The following C11orf65 variants were observed in gnomAD, a reference collection of about 807,000 sequenced individuals.
C11orf65 encodes protein MFI.
In C11orf65, 38 loss-of-function variants were observed where a neutral mutation model predicts 35.3. The ratio of observed to expected loss-of-function variants is 1.08; its 90% CI spans 0.83 to 1.41. The LOEUF (loss-of-function observed/expected upper bound fraction) is 1.41, where lower values mean the gene tolerates loss of function less well. Among genes scored for constraint, C11orf65 ranks in the 40% most tolerant of loss-of-function variants. The probability of loss-of-function intolerance (pLI) is 0.00; values close to 1 mark genes in which losing one functional copy is unlikely to be tolerated. For synonymous variants in C11orf65, 105 were observed against 114.4 expected, an observed-to-expected ratio of 0.92 and a Z score of 0.53; for missense variants, 370 against 367.1, an observed-to-expected ratio of 1.01 and a Z score of -0.06.
chr11:108,445,022 G>C (rs1230582199), intron 2 of C11orf65, among the ~76,000 whole-genome samples: 2 of 152,224 alleles, frequency 1.3e-5, no homozygotes, highest in Non-Finnish European at 1.5e-5. Context: ...ACAGCAGTCT[G>C]AGATCAAACT....
chr11:108,347,450 A>G, intron 2 of C11orf65: 1 of 1,127,928 alleles, frequency 8.9e-7, no homozygotes, highest in South Asian at 1.3e-5. Flanking sequence ...GATATTACAA[A>G]TATAAGAGAC....
intron 6 of C11orf65, among the ~76,000 whole-genome samples, chr11:108,395,940 A>G (rs2092300193): frequency 1.3e-5 from 2 of 152,090 alleles, no homozygotes; most frequent in South Asian, 4.2e-4. Context: ...TAAAATAATA[A>G]TAATAAAAAA....
rs557777578 is a variant in C11orf65, at chr11:108,342,710, T to C, written c.227-7418A>G. On this transcript the variant is annotated intron_variant, in intron 2 of 3. Transcript: ENST00000524755. ...ATAATATAATTTTAAAAAACTTTCCTAGTAAAGTTGCTTATTTTATATTTA... is the reference window on the plus strand; with the variant it reads ...ATAATATAATTTTAAAAAACTTTCCCAGTAAAGTTGCTTATTTTATATTTA... Among the ~76,000 whole-genome samples, 58 of 152,344 alleles carry C rather than the reference T, an allele frequency of 3.8e-4. No homozygotes were observed. In the East Asian group the frequency reaches 9.8e-3, roughly 26 times the overall value.
intron 2 of C11orf65, among the ~76,000 whole-genome samples, chr11:108,372,868 GGATTTTGA>G (rs1200304191): frequency 6.6e-6 from 1 of 152,046 alleles, no homozygotes; most frequent in East Asian, 1.9e-4. Context: ...TTTTAAGTCA[GGATTTTGA>G]GACCCTGGCC....
At position 108,406,840 on chromosome 11, in the gene C11orf65, C is replaced by A. The variant is rs1264256053; in HGVS notation, c.352G>T (p.Asp118Tyr). 1 of 1,613,262 alleles carries A rather than the reference C, an allele frequency of 6.2e-7. No homozygotes were observed. The highest frequency in any genetic ancestry group is 8.5e-7 in the Non-Finnish European group (1 of 1,179,574). Residue 118 changes from aspartate (D) to tyrosine (Y), a missense_variant, in exon 5 of 9, where the codon GAT (aspartate) becomes TAT (tyrosine). By Grantham distance (160) the Asp-to-Tyr change is radical (BLOSUM62 -3). Transcript: ENST00000393084. ...CTATGATCCTCTTCCTGAAGATGAT[C>A]ATTTTTATTATGAGATGTATGCTTT... ...PAKHTSHNKNDHLQEEDHSGW... is the reference protein window; with the variant it reads ...PAKHTSHNKNYHLQEEDHSGW...
intron 2 of C11orf65, among the ~76,000 whole-genome samples, chr11:108,452,774 GATTAAGA>G (rs1262365575): frequency 2.0e-5 from 3 of 152,036 alleles, no homozygotes; most frequent in African/African-American, 7.2e-5. Flanking sequence ...TGATAGACTG[GATTAAGA>G]AAATGTGGCA....
At chr11:108,468,740 A>T (rs1462565235), upstream of C11orf65, among the ~76,000 whole-genome samples, 2 of 152,198 alleles carry the variant, frequency 1.3e-5, no homozygotes, top group East Asian at 1.9e-4. Flanking sequence ...TGAACAATAA[A>T]CTGTAAAAAT....
chr11:108,452,958 C>T (rs896507597), intron 2 of C11orf65, among the ~76,000 whole-genome samples: 1 of 130,164 alleles, frequency 7.7e-6, no homozygotes, highest in African/African-American at 3.0e-5. Flanking sequence ...AATGAGAACA[C>T]TTGGACACAG....
At chr11:108,331,714 C>G (rs1024215670) in intron 3 of C11orf65, 1 of 1,317,530 alleles carries the variant, frequency 7.6e-7, no homozygotes, top group South Asian at 1.5e-5. Context: ...TTTTCTCTCT[C>G]TAATTCCTCA....
chr11:108,329,039 A>C, downstream of C11orf65: 1 of 1,614,098 alleles, frequency 6.2e-7, no homozygotes, highest in Non-Finnish European at 8.5e-7. Context: ...AGTTGCTGGA[A>C]ATTATGATGG....
chr11:108,441,341 G>T lies in C11orf65; in HGVS notation c.82-9503C>A, dbSNP rs532057697. 3.3e-5 allele frequency among the ~76,000 whole-genome samples: 5 copies of T among 152,362 alleles called. No individual in the cohort carries two copies. In the South Asian group the frequency reaches 6.2e-4, roughly 19 times the overall value. On this transcript the variant is annotated intron_variant, in intron 2 of 8. Coordinates refer to ENST00000393084, the MANE Select transcript of C11orf65 (RefSeq NM_152587.5). ...AGCCGGGAAGCTCGAATTGGGTGGA[G>T]CCCACCAACAGTTCAAGGAGGCCTG...
chr11:108,413,273 T>C (rs542198737), intron 3 of C11orf65, among the ~76,000 whole-genome samples: 2 of 152,218 alleles, frequency 1.3e-5, no homozygotes, highest in Non-Finnish European at 2.9e-5. Flanking sequence ...TCAGGGCTTT[T>C]AGAGTATCCA....
Position 108,438,551 on chromosome 11 carries a change from G to GAA in C11orf65, c.82-6715_82-6714dup, listed in dbSNP as rs56267971. 8.5e-3 allele frequency among the ~76,000 whole-genome samples: 1,207 copies of GAA among 142,028 alleles called. 8 individuals are homozygous for GAA. Among genetic ancestry groups the GAA allele is most frequent in the African/African-American group, 0.024 (945 of 39,014 alleles). The allele number at this position is 142,028 out of a possible 152,430, so 93.2% of individuals were successfully genotyped here. A position where few individuals can be genotyped will look rare whatever the true frequency, so the allele number is the denominator to read the frequency against. On this transcript the variant is annotated intron_variant, in intron 2 of 8. Transcript: ENST00000393084. ...GGGCAACAAAGCAAGATTTCGTCTG[G>GAA]AAAAAAAAAAAATCAAAGATCCAAA...
At chr11:108,432,209 T>G (rs768051071) in intron 2 of C11orf65, among the ~76,000 whole-genome samples, 5 of 152,218 alleles carry the variant, frequency 3.3e-5, no homozygotes, top group Non-Finnish European at 5.9e-5. Context: ...GCTGTTAGTA[T>G]TTAGCAGCTG....
At chr11:108,401,620 T>C (rs1476231624) in intron 6 of C11orf65, among the ~76,000 whole-genome samples, 2 of 152,220 alleles carry the variant, frequency 1.3e-5, no homozygotes, top group Non-Finnish European at 2.9e-5. Flanking sequence ...TTCTGTAATA[T>C]GCTTCCCCCT....
At chr11:108,402,013 G>A (rs2092448599) in intron 6 of C11orf65, among the ~76,000 whole-genome samples, 1 of 152,206 alleles carries the variant, frequency 6.6e-6, no homozygotes, top group African/African-American at 2.4e-5. Flanking sequence ...CAATGCTTCT[G>A]AGATTCCTGG....
intron 2 of C11orf65, chr11:108,336,142 A>T (rs1323596809): frequency 3.2e-4 from 45 of 139,396 alleles, no homozygotes; most frequent in Middle Eastern, 3.1e-3. Context: ...ACAAAAAGTT[A>T]AAAAAAAAAA....
intron 2 of C11orf65, among the ~76,000 whole-genome samples, chr11:108,370,232 T>C (rs913725602): frequency 6.6e-6 from 1 of 152,098 alleles, no homozygotes; most frequent in East Asian, 1.9e-4. Context: ...AAGTTTTTCC[T>C]AATTATTACT....
chr11:108,407,136 TCTAGAAG>T lies in C11orf65; in HGVS notation c.181_187del (p.Leu61MetfsTer12). On this transcript the variant is annotated frameshift_variant, in exon 4 of 9. Coordinates refer to ENST00000393084, the MANE Select transcript of C11orf65 (RefSeq NM_152587.5). LOFTEE classifies it high-confidence loss of function. The stretch of plus-strand genomic sequence containing the variant: ...TCGCACATGAATGCCAGCAGCAGCA[TCTAGAAG>T]CTCTGCCTATAAGAAAATATATTAT... 1 of 1,606,470 alleles carries T rather than the reference TCTAGAAG, an allele frequency of 6.2e-7. No individual in the cohort carries two copies. The highest frequency in any genetic ancestry group is 8.5e-7 in the Non-Finnish European group (1 of 1,174,774).
Sources: gnomAD v4.1 joint callset for allele counts (sites outside exome capture counted in the v4.1 genomes callset) on GRCh38, gnomAD v4.1.1 for gene constraint, MANE v1.5 for transcripts, NCBI Gene and HGNC (gene_info 2026-07-23, HGNC 2026-07-21) for gene names.